EPB41: variants seen among roughly 807,000 people sequenced by gnomAD.
EPB41 encodes protein 4.1.
A neutral mutation model predicts 108.0 loss-of-function variants in EPB41; 65 were observed. The ratio of observed to expected loss-of-function variants is 0.60; its 90% CI spans 0.49 to 0.74. EPB41 has a LOEUF of 0.74. Among genes scored for constraint, EPB41 ranks in the 30% least tolerant of loss-of-function variants. The pLI is 0.00. For synonymous variants in EPB41, 336 were observed against 358.9 expected (o/e 0.94, Z 0.72); for missense variants, 875 against 1,037.0 (o/e 0.84, Z 2.15).
intron 7 of EPB41, among the ~76,000 whole-genome samples, chr1:29,028,449 A>G (rs992137461): frequency 2.0e-5 from 3 of 152,188 alleles, no homozygotes; most frequent in Non-Finnish European, 2.9e-5. Context: ...TTCGATCCCA[A>G]TAGTAACATT....
At chr1:29,097,518 A>G (rs1259977583) in intron 16 of EPB41, 4 of 433,614 alleles carry the variant, frequency 9.2e-6, no homozygotes, top group Non-Finnish European at 1.3e-5. Context: ...TCTGAAGGTC[A>G]GTCTGAAGTG....
intron 15 of EPB41, 153 bp from the exon 16 acceptor site, chr1:29,064,829 A>T: frequency 1.0e-6 from 1 of 953,690 alleles, no homozygotes; most frequent in Non-Finnish European, 1.5e-6. Context: ...CAAATATACC[A>T]TGTTGTATAT....
At chr1:29,009,947 C>G (rs2096471190) in intron 4 of EPB41, among the ~76,000 whole-genome samples, 1 of 152,102 alleles carries the variant, frequency 6.6e-6, no homozygotes, top group Non-Finnish European at 1.5e-5. Flanking sequence ...ATGTGGTGTT[C>G]AAGCCCATTC....
intron 7 of EPB41, among the ~76,000 whole-genome samples, chr1:29,023,543 C>T (rs1181968385): frequency 1.3e-5 from 2 of 151,404 alleles, no homozygotes; most frequent in Non-Finnish European, 2.9e-5. Flanking sequence ...CAAAATCAGC[C>T]GGGCATGGTA....
At chr1:29,003,140 G>A (rs1158041107) in intron 4 of EPB41, among the ~76,000 whole-genome samples, 11 of 152,258 alleles carry the variant, frequency 7.2e-5, no homozygotes, top group African/African-American at 2.6e-4. Context: ...CTGTCAATAA[G>A]CCAAATTTCT....
At chr1:29,003,778 C>T (rs920788599) in intron 4 of EPB41, among the ~76,000 whole-genome samples, 3 of 152,084 alleles carry the variant, frequency 2.0e-5, no homozygotes, top group South Asian at 4.1e-4. Context: ...AGTGGAAAAG[C>T]GGTAAGAAGC....
At chr1:28,977,941 T>TTGAAACTGTCC (rs1334966634) in intron 1 of EPB41, among the ~76,000 whole-genome samples, 61 of 151,824 alleles carry the variant, frequency 4.0e-4, no homozygotes, top group African/African-American at 1.1e-3. Flanking sequence ...CTTTATCAGT[T>TTGAAACTGTCC]TCATTTTATA....
At chr1:29,086,207 A>G (rs1658832213) in intron 16 of EPB41, among the ~76,000 whole-genome samples, 1 of 152,142 alleles carries the variant, frequency 6.6e-6, no homozygotes, top group South Asian at 2.1e-4. Context: ...AAAAACCACA[A>G]ACAAAAAGAT....
chr1:28,987,381 TA>T, intron 1 of EPB41, 49 bp from the exon 2 acceptor site: 3 of 1,523,654 alleles, frequency 2.0e-6, no homozygotes, highest in East Asian at 4.5e-5. Flanking sequence ...TTGCCAACAG[TA>T]ATGTGTTTTG....
chr1:28,999,843 G>T (rs1040509375), intron 4 of EPB41, among the ~76,000 whole-genome samples: 3 of 151,960 alleles, frequency 2.0e-5, no homozygotes, highest in Admixed American at 2.0e-4. Context: ...GAGTGCAGTG[G>T]TGCGATCTTG....
intron 11 of EPB41, among the ~76,000 whole-genome samples, chr1:29,047,918 G>A (rs1450006395): frequency 6.6e-6 from 1 of 151,806 alleles, no homozygotes. Context: ...CAAGTAGCTG[G>A]GATTACAGGC....
chr1:29,112,468 C>A lies in EPB41; in HGVS notation c.2496+20C>A. The A allele has an allele frequency of 1.9e-6, 3 of 1,605,368 alleles. No individual in the cohort carries two copies. Among genetic ancestry groups the A allele is most frequent in the Non-Finnish European group, 2.6e-6 (3 of 1,172,170 alleles). On this transcript the variant is annotated intron_variant, in intron 19 of 20. Coordinates refer to ENST00000343067, the MANE Select transcript of EPB41 (RefSeq NM_001376013.1). ...GATCAGGTGGGAATGTTGAAGAGAT[C>A]TGGGCCTGGGAGGGGTCCCTGGGCA...
intron 1 of EPB41, among the ~76,000 whole-genome samples, chr1:28,985,516 G>C (rs1571954921): frequency 6.6e-6 from 1 of 152,184 alleles, no homozygotes; most frequent in African/African-American, 2.4e-5. Context: ...CAATACTTCA[G>C]CTAGGTTATG....
intron 1 of EPB41, among the ~76,000 whole-genome samples, chr1:28,925,406 C>T (rs1216126486): frequency 6.6e-6 from 1 of 152,104 alleles, no homozygotes; most frequent in Admixed American, 6.6e-5. Flanking sequence ...CCACCACACC[C>T]AGCCTGGAGC....
At chr1:29,007,977 A>G (rs2096435867) in intron 4 of EPB41, among the ~76,000 whole-genome samples, 1 of 152,242 alleles carries the variant, frequency 6.6e-6, no homozygotes, top group African/African-American at 2.4e-5. Context: ...TTTCTATGAA[A>G]TATTCCACTT....
chr1:28,992,429 C>T (rs2096047965), intron 2 of EPB41, among the ~76,000 whole-genome samples: 1 of 152,212 alleles, frequency 6.6e-6, no homozygotes, highest in Admixed American at 6.5e-5. Flanking sequence ...TTGCTCACGC[C>T]TGTAATCCCA....
chr1:28,987,342 A>G (rs1571987481), intron 1 of EPB41, 89 bp from the exon 2 acceptor site: 2 of 1,085,336 alleles, frequency 1.8e-6, no homozygotes, highest in Non-Finnish European at 2.8e-6. Flanking sequence ...TAAATACCTA[A>G]GTATATTAAT....
At chr1:28,957,297 A>C (rs2094994360) in intron 1 of EPB41, among the ~76,000 whole-genome samples, 1 of 152,282 alleles carries the variant, frequency 6.6e-6, no homozygotes, top group East Asian at 1.9e-4. Flanking sequence ...ATTTTTGCCA[A>C]TAATGATTGC....
intron 1 of EPB41, among the ~76,000 whole-genome samples, chr1:28,923,188 C>T (rs1232123938): frequency 1.4e-5 from 2 of 144,008 alleles, no homozygotes; most frequent in South Asian, 2.2e-4. Context: ...TCTCAGCTCC[C>T]GGATTCAAGC....
Sources: allele counts gnomAD v4.1 joint callset (sites outside exome capture counted in the v4.1 genomes callset), GRCh38; gene constraint gnomAD v4.1.1; transcripts MANE v1.5; gene names NCBI Gene and HGNC (gene_info 2026-07-23, HGNC 2026-07-21).